Variants in TAFA4 observed in about 807,000 individuals in gnomAD.
The protein encoded by TAFA4 is chemokine-like protein TAFA-4.
TAFA4 carries 20 observed loss-of-function variants against 21.1 expected under a neutral mutation model. The observed-to-expected ratio is 0.95, with a 90% confidence interval of 0.67 to 1.38. TAFA4 has a LOEUF of 1.38. Ranked by LOEUF, TAFA4 falls within the 40% of genes most tolerant of loss-of-function variation. The pLI, the probability that TAFA4 is intolerant of heterozygous loss-of-function variation, is 0.00. For missense variants in TAFA4, 211 were observed against 180.9 expected (o/e 1.17, Z -0.95); for synonymous variants, 71 against 67.4 (o/e 1.05, Z -0.26).
intron 4 of TAFA4, among the ~76,000 whole-genome samples, chr3:68,743,130 A>C (rs1702388147): frequency 6.6e-6 from 1 of 152,234 alleles, no homozygotes; most frequent in African/African-American, 2.4e-5. Flanking sequence ...ATAGTACCTA[A>C]GTCAGGTGGA....
At chr3:68,740,448 A>T (rs1450955624) in intron 4 of TAFA4, among the ~76,000 whole-genome samples, 1 of 152,184 alleles carries the variant, frequency 6.6e-6, no homozygotes, top group Non-Finnish European at 1.5e-5. Context: ...AGGGCCTGGC[A>T]TTCCTTCACC....
At chr3:68,834,371 C>G (rs1330143438) in intron 3 of TAFA4, among the ~76,000 whole-genome samples, 1 of 152,118 alleles carries the variant, frequency 6.6e-6, no homozygotes, top group South Asian at 2.1e-4. Context: ...TTTCAGCTAT[C>G]TATATAACTT....
At chr3:68,795,031 C>G (rs1559523208) in intron 3 of TAFA4, among the ~76,000 whole-genome samples, 1 of 150,728 alleles carries the variant, frequency 6.6e-6, no homozygotes, top group Non-Finnish European at 1.5e-5. Flanking sequence ...CACACACACA[C>G]ACACAGACAC....
intron 3 of TAFA4, among the ~76,000 whole-genome samples, chr3:68,858,619 G>A (rs1487612654): frequency 7.3e-6 from 1 of 137,050 alleles, no homozygotes; most frequent in Non-Finnish European, 1.6e-5. Flanking sequence ...TGTCTTTAAG[G>A]CGTATGCATT....
At chr3:68,839,648 C>G (rs1704610472) in intron 3 of TAFA4, among the ~76,000 whole-genome samples, 1 of 152,216 alleles carries the variant, frequency 6.6e-6, no homozygotes, top group African/African-American at 2.4e-5. Flanking sequence ...TCAAATTCCT[C>G]TTTTCCCTGA....
At chr3:68,778,749 T>C (rs566566214) in intron 3 of TAFA4, among the ~76,000 whole-genome samples, 14 of 152,336 alleles carry the variant, frequency 9.2e-5, no homozygotes, top group East Asian at 3.9e-4. Context: ...GTAAATCCAA[T>C]TGAACCTCTT....
intron 3 of TAFA4, among the ~76,000 whole-genome samples, chr3:68,841,179 C>T (rs1704653973): frequency 3.7e-5 from 4 of 108,808 alleles, no homozygotes; most frequent in South Asian, 3.1e-4. Flanking sequence ...AAAAATTAGC[C>T]GGGCGTAGTG....
At chr3:68,854,524 C>T (rs1392066914) in intron 3 of TAFA4, among the ~76,000 whole-genome samples, 5 of 152,060 alleles carry the variant, frequency 3.3e-5, no homozygotes, top group Admixed American at 1.3e-4. Context: ...TATCTGAGCT[C>T]CTTTCTGGGC....
chr3:68,752,901 A>C lies in TAFA4; in HGVS notation c.248T>G (p.Val83Gly). Residue 83 changes from valine (V) to glycine (G), a missense_variant, in exon 4 of 6, where the codon GTG (valine) becomes GGG (glycine). Val to Gly is a moderately radical substitution (Grantham distance 109). Coordinates refer to ENST00000295569, the MANE Select transcript of TAFA4 (RefSeq NM_182522.5). ...TVKCSCFPGQVAGTTRAQPSC... is the reference protein window; with the variant it reads ...TVKCSCFPGQGAGTTRAQPSC... ...AGGTTGAGCCCGAGTTGTGCCCGCC[A>C]CCTGTCCCGGGAAGCAAGAGCACTT... The C allele has an allele frequency of 6.2e-7, 1 of 1,614,016 alleles. No homozygotes were observed. The highest frequency in any genetic ancestry group is 8.5e-7 in the Non-Finnish European group (1 of 1,180,016).
chr3:68,886,071 A>C (rs1033249208), intron 1 of TAFA4, among the ~76,000 whole-genome samples: 2 of 152,214 alleles, frequency 1.3e-5, no homozygotes, highest in African/African-American at 4.8e-5. Context: ...AAAAATTATG[A>C]TATGTGTTAA....
intron 3 of TAFA4, among the ~76,000 whole-genome samples, chr3:68,824,202 C>T (rs1218856293): frequency 6.6e-6 from 1 of 152,204 alleles, no homozygotes; most frequent in African/African-American, 2.4e-5. Flanking sequence ...ACTGCTATAA[C>T]AAGTTACCAC....
intron 3 of TAFA4, among the ~76,000 whole-genome samples, chr3:68,842,726 T>C (rs1199959745): frequency 2.0e-5 from 3 of 152,170 alleles, no homozygotes; most frequent in Non-Finnish European, 4.4e-5. Flanking sequence ...TTGTGTAAAG[T>C]GTAAGGAAGG....
intron 3 of TAFA4, among the ~76,000 whole-genome samples, chr3:68,830,658 T>C (rs1277209161): frequency 1.3e-5 from 2 of 152,204 alleles, no homozygotes; most frequent in Non-Finnish European, 2.9e-5. Context: ...GAAGAATGTA[T>C]ATTCCGTTGA....
intron 3 of TAFA4, among the ~76,000 whole-genome samples, chr3:68,824,258 T>A (rs557865556): frequency 6.6e-6 from 1 of 152,390 alleles, no homozygotes; most frequent in East Asian, 1.9e-4. Context: ...TGGTTCTACA[T>A]GTCACAAGTC....
intron 1 of TAFA4, among the ~76,000 whole-genome samples, chr3:68,903,397 C>T (rs1275303669): frequency 6.6e-6 from 1 of 152,182 alleles, no homozygotes; most frequent in Non-Finnish European, 1.5e-5. Flanking sequence ...TTAGCAGTTC[C>T]TATGACTTGG....
intron 3 of TAFA4, among the ~76,000 whole-genome samples, chr3:68,800,290 G>C (rs2106826373): frequency 6.6e-6 from 1 of 152,172 alleles, no homozygotes; most frequent in East Asian, 1.9e-4. Flanking sequence ...CATCCAGAAG[G>C]AACCAGCCCT....
chr3:68,774,759 A>G (rs1286006758), intron 3 of TAFA4, among the ~76,000 whole-genome samples: 1 of 152,216 alleles, frequency 6.6e-6, no homozygotes, highest in Admixed American at 6.5e-5. Context: ...TCCTCTTTTC[A>G]TTCTTTCATT....
chr3:68,855,063 G>C (rs6807280), intron 3 of TAFA4, among the ~76,000 whole-genome samples: 1 of 151,914 alleles, frequency 6.6e-6, no homozygotes, highest in Non-Finnish European at 1.5e-5. Flanking sequence ...ACAATGATAA[G>C]TAACAAATGA....
chr3:68,891,071 A>AT (rs1481976665), intron 1 of TAFA4, among the ~76,000 whole-genome samples: 1 of 152,136 alleles, frequency 6.6e-6, no homozygotes, highest in Non-Finnish European at 1.5e-5. Context: ...CTTCACCACC[A>AT]TTTTTTTAAA....
Sources: gnomAD v4.1 joint callset for allele counts (sites outside exome capture counted in the v4.1 genomes callset) on GRCh38, gnomAD v4.1.1 for gene constraint, MANE v1.5 for transcripts, NCBI Gene and HGNC (gene_info 2026-07-23, HGNC 2026-07-21) for gene names.